SMG6: variants seen among roughly 807,000 people sequenced by gnomAD.
The protein encoded by SMG6 is SMG6 nonsense mediated mRNA decay factor, also known as telomerase-binding protein EST1A.
In SMG6, 66 loss-of-function variants were observed where a neutral mutation model predicts 142.2. The ratio of observed to expected loss-of-function variants is 0.46; its 90% confidence interval spans 0.38 to 0.57. SMG6 has a LOEUF of 0.57. SMG6 is among the 20% of genes least tolerant of loss of function. The pLI is 0.00. For synonymous variants in SMG6, 779 were observed against 702.4 expected, an observed-to-expected ratio of 1.11 and a Z score of -1.72; for missense variants, 1,793 against 1,832.0, an observed-to-expected ratio of 0.98 and a Z score of 0.39.
At position 2,061,260 on chromosome 17, in the gene SMG6, C is replaced by T. The variant is rs1010748738; in HGVS notation, c.*232G>A. The T allele has an allele frequency of 2.1e-6, 1 of 465,440 alleles. No homozygotes were observed. Among genetic ancestry groups the T allele is most frequent in the East Asian group, 4.0e-5 (1 of 25,228 alleles). 28.8% of individuals were successfully genotyped at this position (465,440 alleles called of 1,614,324 possible). ...GCTGTTGCTGTAGCCAGCCACCTCC[C>T]TGCTAAATCCTGGCAGCCCAGGAGG... is the stretch of plus-strand genomic sequence containing the variant. On this transcript the variant is annotated 3_prime_UTR_variant, in exon 19 of 19. Coordinates refer to ENST00000263073, the MANE Select transcript of SMG6 (RefSeq NM_017575.5).
chr17:2,105,109 T>G (rs12951058), intron 13 of SMG6, among the ~76,000 whole-genome samples: 8 of 139,250 alleles, frequency 5.7e-5, no homozygotes, highest in Non-Finnish European at 1.3e-4. Context: ...TTTTTTTTTG[T>G]AGAGATGGGG....
At chr17:2,250,099 C>T (rs888445093) in intron 8 of SMG6, among the ~76,000 whole-genome samples, 1 of 152,126 alleles carries the variant, frequency 6.6e-6, no homozygotes, top group Non-Finnish European at 1.5e-5. Context: ...AGTTATCACT[C>T]AAAATTGTGT....
chr17:2,201,712 T>G (rs1179384278), intron 10 of SMG6, among the ~76,000 whole-genome samples: 1 of 151,182 alleles, frequency 6.6e-6, no homozygotes, highest in African/African-American at 2.4e-5. Context: ...ATATAACCAC[T>G]TTGGCAGTAT....
chr17:2,178,801 C>T (rs1029732993), intron 12 of SMG6, among the ~76,000 whole-genome samples: 3 of 152,188 alleles, frequency 2.0e-5, no homozygotes, highest in African/African-American at 7.2e-5. Context: ...GGGATCCTGA[C>T]ATCTCCACGG....
chr17:2,235,546 G>T (rs1488093425), intron 10 of SMG6, among the ~76,000 whole-genome samples: 1 of 152,148 alleles, frequency 6.6e-6, no homozygotes, highest in East Asian at 1.9e-4. Flanking sequence ...ACTCTGTCAA[G>T]AAACACCAGA....
chr17:2,297,554 G>A (rs2075170161), intron 3 of SMG6, among the ~76,000 whole-genome samples: 1 of 149,492 alleles, frequency 6.7e-6, no homozygotes, highest in African/African-American at 2.5e-5. Flanking sequence ...TTAAAGATAT[G>A]AACACATGAA....
intron 12 of SMG6, among the ~76,000 whole-genome samples, chr17:2,177,840 G>A (rs1267042357): frequency 6.6e-6 from 1 of 152,176 alleles, no homozygotes; most frequent in Non-Finnish European, 1.5e-5. Flanking sequence ...CAGACACAAA[G>A]ACAAATGGCT....
At chr17:2,178,130 G>C (rs1355386615) in intron 12 of SMG6, among the ~76,000 whole-genome samples, 1 of 152,206 alleles carries the variant, frequency 6.6e-6, no homozygotes. Flanking sequence ...AAGATGTCAT[G>C]CCAACTCTGT....
At chr17:2,180,059 C>A (rs2071759674) in intron 12 of SMG6, among the ~76,000 whole-genome samples, 1 of 152,204 alleles carries the variant, frequency 6.6e-6, no homozygotes, top group South Asian at 2.1e-4. Flanking sequence ...TCCCACTGCC[C>A]TAGCCTTGCC....
At chr17:2,154,007 TG>T (rs2070918540) in intron 13 of SMG6, among the ~76,000 whole-genome samples, 1 of 95,100 alleles carries the variant, frequency 1.1e-5, no homozygotes, top group Admixed American at 1.1e-4. Flanking sequence ...TGGGGAAACC[TG>T]GGGATGCATG....
intron 1 of SMG6, chr17:2,303,353 G>T: frequency 8.3e-7 from 1 of 1,199,932 alleles, no homozygotes; most frequent in Non-Finnish European, 1.0e-6. Context: ...GGTCTGAGAG[G>T]GCTGGGGCAA....
intron 13 of SMG6, among the ~76,000 whole-genome samples, chr17:2,127,088 G>A (rs975614300): frequency 1.4e-5 from 2 of 141,588 alleles, no homozygotes; most frequent in Admixed American, 7.3e-5. Flanking sequence ...GCAGTGAGCC[G>A]TAATGGTGAC....
chr17:2,240,301 C>T (rs1048276600), intron 9 of SMG6: 20 of 152,108 alleles, frequency 1.3e-4, no homozygotes, highest in Admixed American at 3.9e-4. Flanking sequence ...GGTGACTAAC[C>T]GAGCAGGACT....
At chr17:2,248,021 G>A (rs1281265828) in intron 8 of SMG6, among the ~76,000 whole-genome samples, 2 of 151,350 alleles carry the variant, frequency 1.3e-5, no homozygotes, top group African/African-American at 2.4e-5. Flanking sequence ...CAGAAGAATC[G>A]CTTGAACCTG....
chr17:2,077,334 T>C (rs1479337036), intron 15 of SMG6, among the ~76,000 whole-genome samples: 2 of 151,738 alleles, frequency 1.3e-5, no homozygotes, highest in Non-Finnish European at 1.5e-5. Flanking sequence ...GCCTGAAGAG[T>C]GTCACAGGAA....
intron 10 of SMG6, among the ~76,000 whole-genome samples, chr17:2,189,149 T>G (rs1311719705): frequency 6.6e-6 from 1 of 152,224 alleles, no homozygotes; most frequent in Non-Finnish European, 1.5e-5. Flanking sequence ...CAGTGTTGGC[T>G]TTTGTTTTCA....
chr17:2,240,790 C>T lies in SMG6; in HGVS notation c.2723+3868G>A, dbSNP rs560809269. Among the ~76,000 whole-genome samples, 49 of 152,352 alleles carry T rather than the reference C, an allele frequency of 3.2e-4. No individual in the cohort carries two copies. The South Asian group carries it at 9.5e-3, about 30-fold the overall frequency. ...GCACAGAGCAGACCATGCCTGGAAG[C>T]GCAGCGTCCGAGCTTTTCCGAAAGG... On this transcript the variant is annotated intron_variant, in intron 9 of 18. Coordinates refer to ENST00000263073, the MANE Select transcript of SMG6 (RefSeq NM_017575.5).
intron 6 of SMG6, among the ~76,000 whole-genome samples, chr17:2,289,054 G>C (rs2074972931): frequency 7.0e-6 from 1 of 142,760 alleles, no homozygotes; most frequent in African/African-American, 2.7e-5. Flanking sequence ...ACTCCAGCCT[G>C]GGCAACAGAG....
intron 13 of SMG6, among the ~76,000 whole-genome samples, chr17:2,092,610 A>G (rs1441130105): frequency 6.6e-6 from 1 of 152,222 alleles, no homozygotes; most frequent in Non-Finnish European, 1.5e-5. Context: ...CAAAAGGTAC[A>G]CGTATATTTG....
Sources: allele counts gnomAD v4.1 joint callset (sites outside exome capture counted in the v4.1 genomes callset), GRCh38; gene constraint gnomAD v4.1.1; transcripts MANE v1.5; gene names NCBI Gene and HGNC (gene_info 2026-07-23, HGNC 2026-07-21).